The following CSMD1 variants were observed in gnomAD, a reference collection of about 807,000 sequenced individuals.
The protein encoded by CSMD1 is CUB and sushi domain-containing protein 1.
Under a neutral mutation model 417.5 loss-of-function variants are expected in CSMD1, and 213 were observed. That is an observed-to-expected ratio of 0.51 (90% CI 0.46 to 0.57). The LOEUF (loss-of-function observed/expected upper bound fraction) is 0.57, where lower values mean the gene tolerates loss of function less well. CSMD1 is among the 20% of genes least tolerant of loss of function. The probability of loss-of-function intolerance (pLI) is 0.00; values close to 1 mark genes in which losing one functional copy is unlikely to be tolerated. For synonymous variants in CSMD1, 2,862 were observed against 1,736.8 expected (o/e 1.65, Z -16.11); for missense variants, 6,923 against 4,529.7 (o/e 1.53, Z -15.17).
intron 3 of CSMD1, among the ~76,000 whole-genome samples, chr8:4,056,368 C>G (rs940099246): frequency 6.6e-6 from 1 of 151,592 alleles, no homozygotes; most frequent in Admixed American, 6.6e-5. Flanking sequence ...TAGGCATGAG[C>G]CACCATGCCC....
At chr8:3,451,385 T>C (rs903404716) in intron 12 of CSMD1, among the ~76,000 whole-genome samples, 1 of 152,216 alleles carries the variant, frequency 6.6e-6, no homozygotes, top group Non-Finnish European at 1.5e-5. Flanking sequence ...CATGAAGTCC[T>C]TGCCCATGGC....
At chr8:4,975,038 T>A (rs1810469561) in intron 1 of CSMD1, among the ~76,000 whole-genome samples, 2 of 152,194 alleles carry the variant, frequency 1.3e-5, no homozygotes, top group Admixed American at 6.5e-5. Flanking sequence ...GGCATTCACA[T>A]ACAGCAGGCT....
At chr8:3,348,490 C>T (rs145753664) in intron 21 of CSMD1, among the ~76,000 whole-genome samples, 1,737 of 152,316 alleles carry the variant, frequency 0.011, 18 homozygotes, top group Non-Finnish European at 0.017. Flanking sequence ...CAGGTTGTCA[C>T]AGCACCTCTC....
chr8:2,961,427 T>A (rs1008025752), intron 61 of CSMD1, among the ~76,000 whole-genome samples: 1 of 152,204 alleles, frequency 6.6e-6, no homozygotes, highest in African/African-American at 2.4e-5. Flanking sequence ...TTTAAGTAGT[T>A]CAGTATGTTC....
chr8:4,161,890 A>G (rs1423872016), intron 3 of CSMD1, among the ~76,000 whole-genome samples: 2 of 152,216 alleles, frequency 1.3e-5, no homozygotes, highest in African/African-American at 4.8e-5. Flanking sequence ...ATAATGGTTC[A>G]GTAAGTCAAG....
intron 12 of CSMD1, among the ~76,000 whole-genome samples, chr8:3,447,764 G>C (rs1479968060): frequency 1.3e-5 from 2 of 152,210 alleles, no homozygotes; most frequent in African/African-American, 4.8e-5. Flanking sequence ...GGTTCTCCGT[G>C]TTCCTGGATG....
At chr8:3,926,383 C>A (rs990324288) in intron 5 of CSMD1, among the ~76,000 whole-genome samples, 23 of 151,986 alleles carry the variant, frequency 1.5e-4, no homozygotes, top group African/African-American at 5.3e-4. Flanking sequence ...AACAGGAGGG[C>A]AGTAAGATTT....
At chr8:3,187,701 G>C (rs1480170286) in intron 36 of CSMD1, among the ~76,000 whole-genome samples, 168 bp downstream of exon 36, 1 of 152,096 alleles carries the variant, frequency 6.6e-6, no homozygotes, top group Non-Finnish European at 1.5e-5. Context: ...TTACTCACCT[G>C]TTTCTTGATG....
At chr8:4,000,637 C>T (rs558241088) in intron 4 of CSMD1, among the ~76,000 whole-genome samples, 1 of 152,098 alleles carries the variant, frequency 6.6e-6, no homozygotes, top group Non-Finnish European at 1.5e-5. Context: ...AACAGGATCA[C>T]TAGAGACAGA....
intron 1 of CSMD1, among the ~76,000 whole-genome samples, chr8:4,897,459 A>G (rs1010644262): frequency 2.6e-5 from 4 of 152,102 alleles, no homozygotes; most frequent in Admixed American, 6.5e-5. Flanking sequence ...GCTGATGGGA[A>G]TATCTTTAAG....
chr8:3,586,352 A>AGTTGCTTAATG (rs1191135590), intron 8 of CSMD1, 92 bp from the exon 9 acceptor site: 8 of 1,276,350 alleles, frequency 6.3e-6, no homozygotes, highest in Admixed American at 2.7e-5. Context: ...GGCTGCTACG[A>AGTTGCTTAATG]TCTTGTTCAG....
At chr8:4,725,966 G>C (rs1251910413) in intron 1 of CSMD1, among the ~76,000 whole-genome samples, 2 of 152,076 alleles carry the variant, frequency 1.3e-5, no homozygotes, top group Non-Finnish European at 2.9e-5. Flanking sequence ...AAGTTATTAG[G>C]ATTTACAGTG....
In CSMD1 at chr8:3,440,847, C is replaced by G. The variant is rs544287784; in HGVS notation, c.1561+27865G>C. ...GGACGACCCATTTCCTCCTGCCTTG[C>G]TGAGACGTTGTCATGAACAGACGTT... On this transcript the variant is annotated intron_variant, in intron 12 of 69. Coordinates refer to ENST00000635120, the MANE Select transcript of CSMD1 (RefSeq NM_033225.6). 3.3e-5 allele frequency among the ~76,000 whole-genome samples: 5 copies of G among 152,292 alleles called. No homozygotes were observed. In the South Asian group the frequency reaches 1.0e-3, roughly 32 times the overall value.
chr8:4,340,317 C>A (rs963206344), intron 3 of CSMD1, among the ~76,000 whole-genome samples: 1 of 152,022 alleles, frequency 6.6e-6, no homozygotes, highest in Non-Finnish European at 1.5e-5. Context: ...TCCATCCAAA[C>A]CCTTACATTG....
intron 7 of CSMD1, among the ~76,000 whole-genome samples, chr8:3,650,006 T>G (rs1326689231): frequency 6.6e-6 from 1 of 152,148 alleles, no homozygotes; most frequent in African/African-American, 2.4e-5. Flanking sequence ...AGGCTGGGCC[T>G]GGTGGCTCAT....
chr8:4,030,117 G>A (rs943882065), intron 4 of CSMD1, among the ~76,000 whole-genome samples: 4 of 152,178 alleles, frequency 2.6e-5, no homozygotes, highest in Non-Finnish European at 4.4e-5. Context: ...ACTGTCTGCA[G>A]CTTTTCCAGG....
At chr8:4,222,059 C>T (rs1482978348) in intron 3 of CSMD1, among the ~76,000 whole-genome samples, 1 of 150,798 alleles carries the variant, frequency 6.6e-6, no homozygotes, top group Non-Finnish European at 1.5e-5. Context: ...CATCAAAGGC[C>T]ATCAATGACT....
intron 5 of CSMD1, among the ~76,000 whole-genome samples, chr8:3,870,034 C>CG (rs2129111774): frequency 6.6e-6 from 1 of 152,126 alleles, no homozygotes; most frequent in South Asian, 2.1e-4. Context: ...AAAAAGTAGG[C>CG]GTCTCTTCAT....
At chr8:3,839,338 T>A (rs1438850329) in intron 5 of CSMD1, among the ~76,000 whole-genome samples, 1 of 113,274 alleles carries the variant, frequency 8.8e-6, no homozygotes, top group African/African-American at 3.3e-5. Flanking sequence ...ATATATACTA[T>A]TAATTAGAAT....
Sources: gnomAD v4.1 joint callset for allele counts (sites outside exome capture counted in the v4.1 genomes callset) on GRCh38, gnomAD v4.1.1 for gene constraint, MANE v1.5 for transcripts, NCBI Gene and HGNC (gene_info 2026-07-23, HGNC 2026-07-21) for gene names.